CLVS1: variants seen among roughly 807,000 people sequenced by gnomAD.
CLVS1 encodes the protein clavesin-1.
Under a neutral mutation model 33.1 loss-of-function variants are expected in CLVS1, and 10 were observed. The ratio of observed to expected loss-of-function variants is 0.30; its 90% CI spans 0.19 to 0.51. The LOEUF is 0.51. Ranked by LOEUF, CLVS1 falls within the 20% of genes least tolerant of loss-of-function variation. The probability of loss-of-function intolerance (pLI) is 0.97; values close to 1 mark genes in which losing one functional copy is unlikely to be tolerated. For missense variants in CLVS1, 343 were observed against 433.4 expected (o/e 0.79, Z 1.85); for synonymous variants, 163 against 166.1 (o/e 0.98, Z 0.14).
chr8:61,020,314 C>T, the CLVS1 span, among the ~76,000 whole-genome samples: 17 of 152,194 alleles, frequency 1.1e-4, no homozygotes, highest in African/African-American at 3.9e-4. Flanking sequence ...TTTCAGTCGG[C>T]TTTCTGGCCC....
intron 3 of CLVS1, among the ~76,000 whole-genome samples, chr8:61,383,622 G>A (rs1246158423): frequency 6.6e-6 from 1 of 152,132 alleles, no homozygotes; most frequent in Admixed American, 6.5e-5. Context: ...AATATTAGAG[G>A]AATAAATATC....
chr8:61,375,902 G>A (rs1268133823), intron 2 of CLVS1, among the ~76,000 whole-genome samples: 2 of 152,132 alleles, frequency 1.3e-5, no homozygotes, highest in Non-Finnish European at 2.9e-5. Context: ...ATGATGTGGA[G>A]GAATACACAC....
At chr8:61,484,095 C>A (rs1586043187) in intron 5 of CLVS1, among the ~76,000 whole-genome samples, 1 of 152,110 alleles carries the variant, frequency 6.6e-6, no homozygotes, top group African/African-American at 2.4e-5. Context: ...CTGGCCAGAG[C>A]AATCAGGCAA....
intron 2 of CLVS1, among the ~76,000 whole-genome samples, chr8:61,258,399 C>T (rs1809131193): frequency 6.6e-6 from 1 of 152,118 alleles, no homozygotes; most frequent in Admixed American, 6.5e-5. Flanking sequence ...CAGTGCCATA[C>T]ATCTTGTGAG....
At chr8:61,259,454 G>C (rs1809153344) in intron 2 of CLVS1, among the ~76,000 whole-genome samples, 1 of 152,176 alleles carries the variant, frequency 6.6e-6, no homozygotes, top group South Asian at 2.1e-4. Flanking sequence ...ATGCTATTTA[G>C]GCAGGAATCA....
intron 3 of CLVS1, among the ~76,000 whole-genome samples, chr8:61,424,737 A>T (rs1815815715): frequency 6.6e-6 from 1 of 152,196 alleles, no homozygotes; most frequent in African/African-American, 2.4e-5. Flanking sequence ...AGGTAAAGGT[A>T]GCTAAGAATT....
chr8:61,373,148 A>C (rs1415199875), intron 2 of CLVS1, among the ~76,000 whole-genome samples: 1 of 152,198 alleles, frequency 6.6e-6, no homozygotes, highest in Non-Finnish European at 1.5e-5. Context: ...GGGTGTTATA[A>C]AAAGCGAAGA....
At chr8:61,467,638 A>AT (rs1817594310) in intron 5 of CLVS1, among the ~76,000 whole-genome samples, 1 of 152,120 alleles carries the variant, frequency 6.6e-6, no homozygotes, top group Non-Finnish European at 1.5e-5. Context: ...TCGAAACTGT[A>AT]TATCCCCACC....
intron 3 of CLVS1, among the ~76,000 whole-genome samples, chr8:61,425,036 C>T (rs1165728652): frequency 6.6e-6 from 1 of 152,120 alleles, no homozygotes; most frequent in Non-Finnish European, 1.5e-5. Flanking sequence ...TGTAAATATT[C>T]CAAAATTTGA....
chr8:61,301,638 C>T (rs1810441421), intron 2 of CLVS1, among the ~76,000 whole-genome samples: 1 of 152,172 alleles, frequency 6.6e-6, no homozygotes, highest in Non-Finnish European at 1.5e-5. Context: ...ACTATGACCC[C>T]TCTTTTACCT....
intron 2 of CLVS1, among the ~76,000 whole-genome samples, chr8:61,312,864 C>G (rs1406827351): frequency 1.3e-5 from 2 of 152,196 alleles, no homozygotes; most frequent in African/African-American, 4.8e-5. Context: ...GCCACTTAAT[C>G]TCTGATGACT....
intron 2 of CLVS1, among the ~76,000 whole-genome samples, chr8:61,149,610 A>T (rs1327158646): frequency 6.6e-6 from 1 of 151,862 alleles, no homozygotes; most frequent in Non-Finnish European, 1.5e-5. Flanking sequence ...GACAACAGAA[A>T]AAAAGAGAGT....
intron 2 of CLVS1, among the ~76,000 whole-genome samples, chr8:61,148,684 C>T (rs923326442): frequency 6.6e-6 from 1 of 152,114 alleles, no homozygotes; most frequent in South Asian, 2.1e-4. Context: ...TCTGATGGGC[C>T]CATCTTTCCT....
intron 3 of CLVS1, among the ~76,000 whole-genome samples, chr8:61,414,994 C>T (rs550333356): frequency 6.6e-6 from 1 of 152,218 alleles, no homozygotes; most frequent in Non-Finnish European, 1.5e-5. Context: ...TAGTTAGGAG[C>T]CATTTGAGGT....
chr8:61,333,910 T>G (rs1178346428), intron 2 of CLVS1, among the ~76,000 whole-genome samples: 1 of 152,208 alleles, frequency 6.6e-6, no homozygotes, highest in East Asian at 1.9e-4. Context: ...TGTGTCCATG[T>G]GTTCTCAGCA....
chr8:61,328,921 C>T (rs986450464), intron 2 of CLVS1, among the ~76,000 whole-genome samples: 3 of 152,144 alleles, frequency 2.0e-5, no homozygotes, highest in African/African-American at 7.2e-5. Context: ...GAATGGCAAC[C>T]CACAGAAGCT....
At chr8:61,202,545 G>C in intron 2 of CLVS1, 1 of 1,143,542 alleles carries the variant, frequency 8.7e-7, no homozygotes, top group East Asian at 2.3e-5. Flanking sequence ...CAGAGGCAAT[G>C]AATTACGAAG....
chr8:61,056,510 A>G (rs16926783), upstream of CLVS1, among the ~76,000 whole-genome samples: 6,426 of 152,216 alleles, frequency 0.042, 446 homozygotes, highest in African/African-American at 0.15. Context: ...GTCTGAGGCA[A>G]ACAAGATCAT....
At chr8:61,093,453 T>C (rs898733710) in intron 1 of CLVS1, among the ~76,000 whole-genome samples, 14 of 152,186 alleles carry the variant, frequency 9.2e-5, no homozygotes, top group Non-Finnish European at 2.1e-4. Flanking sequence ...TTTTCCCAAA[T>C]GCTGGAAAAA....
Sources: gnomAD v4.1 joint callset for allele counts (sites outside exome capture counted in the v4.1 genomes callset) on GRCh38, gnomAD v4.1.1 for gene constraint, MANE v1.5 for transcripts, NCBI Gene and HGNC (gene_info 2026-07-23, HGNC 2026-07-21) for gene names.